MAPK14: variants seen among roughly 807,000 people sequenced by gnomAD.
MAPK14 encodes the protein mitogen-activated protein kinase 14.
In MAPK14, 16 loss-of-function variants were observed where a neutral mutation model predicts 49.6. That is an observed-to-expected ratio of 0.32 (90% CI 0.22 to 0.49). The LOEUF (loss-of-function observed/expected upper bound fraction) is 0.49, where lower values mean the gene tolerates loss of function less well. Ranked by LOEUF, MAPK14 falls within the 20% of genes least tolerant of loss-of-function variation. The pLI is 0.99. For synonymous variants in MAPK14, 142 were observed against 158.0 expected, an observed-to-expected ratio of 0.90 and a Z score of 0.76; for missense variants, 200 against 441.2, an observed-to-expected ratio of 0.45 and a Z score of 4.90.
At position 36,107,600 on chromosome 6, in the gene MAPK14, C is replaced by T; in HGVS notation, c.987C>T (p.Ser329=). 6.3e-7 allele frequency: 1 copy of T among 1,593,310 alleles called. No individual in the cohort carries two copies. The highest frequency in any genetic ancestry group is 1.7e-4 in the Middle Eastern group (1 of 5,998). The change falls in exon 11 of 12, where the codon AGC becomes AGT. Residue 329 remains serine (S), a synonymous_variant. Coordinates refer to ENST00000229794, the MANE Select transcript of MAPK14 (RefSeq NM_139012.3). This position sits in a 1 kb window ranked among gnomAD's most constrained non-coding sequence, Gnocchi z 4.3. ...VADPYDQSFE[S]RDLLIDEWKS... ...ATCCTTATGATCAGTCCTTTGAAAG[C>T]AGGGACCTCCTTATAGATGAGTGGA...
At chr6:36,070,627 G>T (rs924369407) in intron 3 of MAPK14, among the ~76,000 whole-genome samples, 3 of 152,118 alleles carry the variant, frequency 2.0e-5, no homozygotes, top group Admixed American at 6.5e-5. Context: ...CCTCAAGGCC[G>T]TATAAACATG....
chr6:36,049,635 T>C (rs1430985158), intron 1 of MAPK14, among the ~76,000 whole-genome samples: 1 of 152,164 alleles, frequency 6.6e-6, no homozygotes, highest in East Asian at 1.9e-4. Flanking sequence ...TTTTGGAGAA[T>C]TTTAACTGTG....
intron 8 of MAPK14, among the ~76,000 whole-genome samples, chr6:36,087,889 T>C (rs565594598): frequency 1.4e-4 from 21 of 152,286 alleles, no homozygotes; most frequent in Non-Finnish European, 2.5e-4. Context: ...CAAACTATAC[T>C]ACGAGGCTAC....
chr6:36,072,033 G>A (rs1260363320), intron 3 of MAPK14, among the ~76,000 whole-genome samples: 1 of 152,090 alleles, frequency 6.6e-6, no homozygotes, highest in East Asian at 1.9e-4. Context: ...TGTCAAGTAG[G>A]AATAAGTATG....
chr6:36,068,978 C>G (rs1307799348), intron 3 of MAPK14, among the ~76,000 whole-genome samples: 3 of 152,136 alleles, frequency 2.0e-5, no homozygotes, highest in African/African-American at 7.2e-5. Context: ...TTGTATCAGT[C>G]CATGAAATTG....
chr6:36,049,267 T>C (rs1763303995), intron 1 of MAPK14, among the ~76,000 whole-genome samples: 2 of 152,214 alleles, frequency 1.3e-5, no homozygotes, highest in African/African-American at 4.8e-5. Context: ...GGAAATCTTG[T>C]CAAAAAGTAA....
chr6:36,080,227 G>A (rs1219037331), intron 8 of MAPK14, among the ~76,000 whole-genome samples: 2 of 152,178 alleles, frequency 1.3e-5, no homozygotes, highest in Non-Finnish European at 2.9e-5. Context: ...GCGAGCCACT[G>A]CACCCGGCCC....
At chr6:36,117,700 A>G in the MAPK14 span, among the ~76,000 whole-genome samples, 1 of 152,230 alleles carries the variant, frequency 6.6e-6, no homozygotes, top group South Asian at 2.1e-4. Context: ...TGGGGCTGTG[A>G]GGACTAAATG....
downstream of MAPK14, among the ~76,000 whole-genome samples, chr6:36,116,122 A>C (rs1766056656): frequency 6.6e-6 from 1 of 152,116 alleles, no homozygotes; most frequent in South Asian, 2.1e-4. Flanking sequence ...AAAAATAAAA[A>C]GTAAATTCTC....
intron 1 of MAPK14, among the ~76,000 whole-genome samples, chr6:36,032,168 GA>G (rs1269091958): frequency 6.6e-6 from 1 of 151,844 alleles, no homozygotes; most frequent in Non-Finnish European, 1.5e-5. Context: ...GTCAGTTTCC[GA>G]ATTTTATTGC....
Position 36,102,601 on chromosome 6 carries a change from A to C in MAPK14, c.793A>C (p.Met265Leu), listed in dbSNP as rs750609500. 10 of 1,614,020 alleles carry C rather than the reference A, an allele frequency of 6.2e-6. No individual in the cohort carries two copies. In the East Asian group the frequency reaches 2.2e-4, roughly 36 times the overall value. ...ARNYIQSLTQ[M>L]PKMNFANVFI... ...AAACTATATTCAGTCTTTGACTCAG[A>C]TGCCGAAGATGAACTTTGCGAATGT... The change falls in exon 10 of 12, where the codon ATG (methionine) becomes CTG (leucine). Residue 265 changes from methionine (M) to leucine (L), a missense_variant. By Grantham distance (15) the Met-to-Leu change is conservative. This residue lies in a region of MAPK14 where 170 missense variants were observed against 407.0 expected (regional missense o/e 0.42). Coordinates refer to ENST00000229794, the MANE Select transcript of MAPK14 (RefSeq NM_139012.3).
intron 1 of MAPK14, among the ~76,000 whole-genome samples, chr6:36,045,864 C>G (rs1763161328): frequency 6.6e-6 from 1 of 150,846 alleles, no homozygotes; most frequent in Non-Finnish European, 1.5e-5. Context: ...ATATGCTAAC[C>G]TCAGCTGTAC....
intron 1 of MAPK14, among the ~76,000 whole-genome samples, chr6:36,034,116 C>T (rs1762646729): frequency 6.6e-6 from 1 of 152,168 alleles, no homozygotes; most frequent in Non-Finnish European, 1.5e-5. Flanking sequence ...GTTGCTGAGT[C>T]ACTCGGAATA....
chr6:36,088,122 TAACTC>T lies in MAPK14; in HGVS notation c.683-7862_683-7858del, dbSNP rs199814659. Among the ~76,000 whole-genome samples, 9 of 152,136 alleles carry T rather than the reference TAACTC, an allele frequency of 5.9e-5. No individual in the cohort carries two copies. In the East Asian group the frequency reaches 1.7e-3, roughly 29 times the overall value. On this transcript the variant is annotated intron_variant, in intron 8 of 11. Transcript: ENST00000229794. ...CCTTCCTTACACCTTATACAAAAAT[TAACTC>T]AAGATGGATTAAAGACTTAAATGTA...
chr6:36,072,370 G>A (rs1159649224), intron 3 of MAPK14, among the ~76,000 whole-genome samples: 1 of 152,010 alleles, frequency 6.6e-6, no homozygotes, highest in African/African-American at 2.4e-5. Context: ...TTGAAAATGA[G>A]GTAATGAGGT....
intron 8 of MAPK14, among the ~76,000 whole-genome samples, chr6:36,085,436 G>A (rs1406733934): frequency 6.6e-6 from 1 of 152,078 alleles, no homozygotes; most frequent in East Asian, 1.9e-4. Context: ...CATCTAACAT[G>A]CAAAGACATA....
At chr6:36,108,320 C>T in intron 11 of MAPK14, 60 bp from the exon 12 acceptor site, 1 of 1,296,342 alleles carries the variant, frequency 7.7e-7, no homozygotes. Flanking sequence ...AGTCAGAGTG[C>T]TTGCCAGCAA....
intron 11 of MAPK14, among the ~76,000 whole-genome samples, chr6:36,108,002 C>G (rs955367301): frequency 6.6e-6 from 1 of 152,146 alleles, no homozygotes; most frequent in Non-Finnish European, 1.5e-5. Flanking sequence ...AGGAATGGAA[C>G]CCATGTATCC....
the MAPK14 span, among the ~76,000 whole-genome samples, chr6:36,123,245 G>A: frequency 7.2e-5 from 11 of 152,126 alleles, no homozygotes; most frequent in Admixed American, 2.0e-4. Context: ...AGTGGATGGT[G>A]CAAATTCGTG....
Sources: gnomAD v4.1 joint callset for allele counts (sites outside exome capture counted in the v4.1 genomes callset) on GRCh38, gnomAD v4.1.1 for gene constraint, gnomAD v4.1.1 regional missense constraint, Gnocchi (gnomAD v3.1) non-coding constraint, MANE v1.5 for transcripts, NCBI Gene and HGNC (gene_info 2026-07-23, HGNC 2026-07-21) for gene names.